The following GRIP2 variants were observed in gnomAD, a reference collection of about 807,000 sequenced individuals.
GRIP2 encodes glutamate receptor-interacting protein 2.
A neutral mutation model predicts 108.3 loss-of-function variants in GRIP2; 58 were observed. That is an observed-to-expected ratio of 0.54 (90% CI 0.43 to 0.67). The LOEUF is 0.67. GRIP2 is among the 30% of genes least tolerant of loss of function. GRIP2 has a pLI of 0.00. For synonymous variants in GRIP2, 586 were observed against 598.2 expected (o/e 0.98, Z 0.30); for missense variants, 1,278 against 1,430.6 (o/e 0.89, Z 1.72).
the GRIP2 span, chr3:14,574,609 G>T: frequency 1.5e-6 from 1 of 687,582 alleles, no homozygotes; most frequent in South Asian, 1.6e-5. Flanking sequence ...TCTTCATGGA[G>T]GATACCTTCC....
the GRIP2 span, among the ~76,000 whole-genome samples, chr3:14,571,714 A>G: frequency 1.3e-5 from 2 of 152,190 alleles, no homozygotes; most frequent in Admixed American, 6.5e-5. Flanking sequence ...AGCTTGTTCA[A>G]TCTGCACACA....
At chr3:14,526,575 C>A (rs1323657208) in intron 1 of GRIP2, among the ~76,000 whole-genome samples, 1 of 152,174 alleles carries the variant, frequency 6.6e-6, no homozygotes, top group Non-Finnish European at 1.5e-5. Flanking sequence ...AGAAAGCGCT[C>A]CCTTGTGTTT....
the GRIP2 span, among the ~76,000 whole-genome samples, chr3:14,564,002 C>T: frequency 6.6e-6 from 1 of 152,212 alleles, no homozygotes; most frequent in Non-Finnish European, 1.5e-5. Context: ...CCTCACCAGA[C>T]CTGCTCTGAG....
At chr3:14,586,115 T>C in the GRIP2 span, among the ~76,000 whole-genome samples, 2 of 152,282 alleles carry the variant, frequency 1.3e-5, no homozygotes, top group East Asian at 3.9e-4. Context: ...GCTCCTGTGG[T>C]TCCCTCTACC....
the GRIP2 span, among the ~76,000 whole-genome samples, chr3:14,566,484 C>T: frequency 6.6e-6 from 1 of 152,240 alleles, no homozygotes; most frequent in South Asian, 2.1e-4. Flanking sequence ...GGTCTGGCCA[C>T]AGGCCATTAG....
Position 14,524,090 on chromosome 3 carries a change from G to A in GRIP2, c.403+303C>T, listed in dbSNP as rs375405320. 1,319 of 518,616 alleles carry A rather than the reference G, an allele frequency of 2.5e-3. 31 individuals are homozygous for A. The South Asian group carries it at 0.031, about 12-fold the overall frequency. The allele number at this position is 518,616 out of a possible 1,614,324, so 32.1% of individuals were successfully genotyped here. ...CTTAGTGCAGGGCAGTGGAGTGTGG[G>A]CGTGGTAGGTCAGGGAACGACTTAT... On this transcript the variant is annotated intron_variant, in intron 4 of 23. Transcript: ENST00000621039.
chr3:14,527,420 G>GAAATC (rs1332281770), intron 1 of GRIP2, among the ~76,000 whole-genome samples: 2 of 57,578 alleles, frequency 3.5e-5, no homozygotes, highest in African/African-American at 8.1e-5. Context: ...GAAAGCGAGG[G>GAAATC]GAGGGGAGGG....
rs1198510734 is a variant in GRIP2 at position 14,511,923 on chromosome 3, C to G, written c.1721-444G>C. ...ACACAGAAGTGAACAAAACAGACAG[C>G]AATCTCTCCCTGCCCTCCTGGAGCT... is the stretch of plus-strand genomic sequence containing the variant. On this transcript the variant is annotated intron_variant, in intron 14 of 23. Coordinates refer to ENST00000621039, the MANE Select transcript of GRIP2 (RefSeq NM_001080423.4). The surrounding 1 kb of genome is among the most constrained non-coding windows in gnomAD (Gnocchi z 4.1). Among the ~76,000 whole-genome samples, 1 of 152,204 alleles carries G rather than the reference C, an allele frequency of 6.6e-6. No individual in the cohort carries two copies. The highest frequency in any genetic ancestry group is 1.9e-4 in the East Asian group (1 of 5,198).
Position 14,505,698 on chromosome 3 carries a change from G to C in GRIP2, c.2490C>G (p.Pro830=). 1 of 1,597,574 alleles carries C rather than the reference G, an allele frequency of 6.3e-7. No individual in the cohort carries two copies. Among genetic ancestry groups the C allele is most frequent in the African/African-American group, 1.3e-5 (1 of 74,690 alleles). The change falls in exon 20 of 24, where the codon CCC becomes CCG. Residue 830 remains proline (P), a synonymous_variant. Coordinates refer to ENST00000621039, the MANE Select transcript of GRIP2 (RefSeq NM_001080423.4). The surrounding 1 kb of genome is among the most constrained non-coding windows in gnomAD (Gnocchi z 4.2). ...GGGTTGGGGTATAGCTCGTCCTCCGGGGCTCGGTGGGTGGGGGGCTGCCCC... is the reference window on the plus strand; with the variant it reads ...GGGTTGGGGTATAGCTCGTCCTCCGCGGCTCGGTGGGTGGGGGGCTGCCCC... ...WLRGSPPPTE[P]RRTSYTPTPA...
rs1208718086 is a variant in GRIP2, at chr3:14,511,412, CCT to C, written c.1786_1787del (p.Arg596AspfsTer14). On this transcript the variant is annotated frameshift_variant and splice_region_variant, in exon 15 of 24. Transcript: ENST00000621039. LOFTEE classifies it high-confidence loss of function. This position sits in a 1 kb window ranked among gnomAD's most constrained non-coding sequence, Gnocchi z 4.1. ...SDIKKGSVAH[R>X]TGTLEPGDKL... ...CCCTTCCTGTGCCCCAGTGCCCCTA[CCT>C]GTGTGCCACGCTGCCTTTCTTGATG... is the stretch of plus-strand genomic sequence containing the variant. 8 of 1,613,882 alleles carry C rather than the reference CCT, an allele frequency of 5.0e-6. No homozygotes were observed. The highest frequency in any genetic ancestry group is 6.8e-6 in the Non-Finnish European group (8 of 1,179,890).
intron 21 of GRIP2, among the ~76,000 whole-genome samples, chr3:14,499,015 C>A (rs932649706): frequency 1.3e-5 from 2 of 152,180 alleles, no homozygotes; most frequent in African/African-American, 4.8e-5. Flanking sequence ...CATCTCATTG[C>A]TGGATAGAGA....
At chr3:14,520,734 A>G in intron 7 of GRIP2, 197 bp from the exon 8 acceptor site, 4 of 626,668 alleles carry the variant, frequency 6.4e-6, no homozygotes. Flanking sequence ...ATAAGATAGC[A>G]GTGGAGGAGG....
the GRIP2 span, among the ~76,000 whole-genome samples, chr3:14,592,619 T>G: frequency 6.6e-6 from 1 of 152,144 alleles, no homozygotes; most frequent in Admixed American, 6.5e-5. Flanking sequence ...GAGACCCAAT[T>G]CCCAGCACCG....
chr3:14,537,532 T>A (rs953027268), intron 1 of GRIP2, among the ~76,000 whole-genome samples: 1 of 152,278 alleles, frequency 6.6e-6, no homozygotes, highest in Non-Finnish European at 1.5e-5. Flanking sequence ...AATATTTTTT[T>A]AATTCAATTC....
chr3:14,544,999 C>T (rs1695036063), upstream of GRIP2, among the ~76,000 whole-genome samples: 1 of 152,210 alleles, frequency 6.6e-6, no homozygotes, highest in Admixed American at 6.5e-5. Context: ...ACCCAGTGGG[C>T]TGCCCCAAGC....
intron 1 of GRIP2, among the ~76,000 whole-genome samples, chr3:14,531,551 G>A (rs935634381): frequency 6.6e-6 from 1 of 152,194 alleles, no homozygotes; most frequent in Non-Finnish European, 1.5e-5. Flanking sequence ...GAGAGGGGAA[G>A]GAAACTCACA....
upstream of GRIP2, among the ~76,000 whole-genome samples, chr3:14,544,695 C>A (rs60792418): frequency 1.3e-5 from 2 of 152,214 alleles, no homozygotes; most frequent in South Asian, 4.1e-4. Context: ...CCCTCCACCC[C>A]AGGGGCCGGG....
Position 14,540,327 on chromosome 3 carries a change from T to G in GRIP2, c.-19A>C. The G allele has an allele frequency of 6.2e-7, 1 of 1,613,478 alleles. No homozygotes were observed. The highest frequency in any genetic ancestry group is 1.1e-5 in the South Asian group (1 of 90,944). ...ACAGCATGTTCGCTATTGTCTCCCC[T>G]GCTGCCCACCAACTCCCTCGGGAGC... On this transcript the variant is annotated 5_prime_UTR_variant, in exon 1 of 24. Transcript: ENST00000621039. The surrounding 1 kb of genome is among the most constrained non-coding windows in gnomAD (Gnocchi z 4.1).
the GRIP2 span, among the ~76,000 whole-genome samples, chr3:14,579,486 G>A: frequency 6.6e-6 from 1 of 152,196 alleles, no homozygotes. Flanking sequence ...TCGGATGGGA[G>A]GACGGGCATG....
Sources: gnomAD v4.1 joint callset for allele counts (sites outside exome capture counted in the v4.1 genomes callset) on GRCh38, gnomAD v4.1.1 for gene constraint, Gnocchi (gnomAD v3.1) non-coding constraint, MANE v1.5 for transcripts, NCBI Gene and HGNC (gene_info 2026-07-23, HGNC 2026-07-21) for gene names.